The following DMD variants were observed in gnomAD, a reference collection of about 807,000 sequenced individuals.
The protein encoded by DMD is dystrophin.
In DMD, 63 loss-of-function variants were observed where a neutral mutation model predicts 330.1. The observed-to-expected ratio is 0.19, with a 90% CI of 0.16 to 0.24. The LOEUF (loss-of-function observed/expected upper bound fraction) is 0.24, where lower values mean the gene tolerates loss of function less well. Among genes scored for constraint, DMD ranks in the 10% least tolerant of loss-of-function variants. The pLI, the probability that DMD is intolerant of heterozygous loss-of-function variation, is 1.00. For synonymous variants in DMD, 1,223 were observed against 959.8 expected (o/e 1.27, Z -5.07); for missense variants, 3,344 against 2,684.1 (o/e 1.25, Z -5.43).
rs142087164 is a variant in DMD, at chrX:32,969,027, C to CAAAAAAAAAAAAAAA, written c.93+51097_93+51111dup. On this transcript the variant is annotated intron_variant, in intron 2 of 78. Transcript: ENST00000357033. ...TGGGAGACAGAATGAGATTCTGTCTCAAAAAAAAAAAAAAAAAAAAAAAAA... is the reference window on the plus strand; with the variant it reads ...TGGGAGACAGAATGAGATTCTGTCTCAAAAAAAAAAAAAAAAAAAAAAAAAAAAAAAAAAAAAAAA... 3.5e-4 allele frequency among the ~76,000 whole-genome samples: 7 copies of CAAAAAAAAAAAAAAA among 19,815 alleles called. 1 individual carries two copies. Among genetic ancestry groups the CAAAAAAAAAAAAAAA allele is most frequent in the Non-Finnish European group, 5.6e-4 (6 of 10,770 alleles). 17.2% of individuals were successfully genotyped at this position (19,815 alleles called of 115,157 possible).
At position 31,640,307 on chromosome X, in the gene DMD, T is replaced by C. The variant is rs761450224; in HGVS notation, c.8028-12445A>G. Among the ~76,000 whole-genome samples the C allele has an allele frequency of 2.7e-5, 3 of 112,622 alleles. No homozygotes were observed. The Admixed American group carries it at 2.8e-4, about 11-fold the overall frequency. The stretch of plus-strand genomic sequence containing the variant: ...AATACGTTTACATTTACAATTTTGC[T>C]GTGGCAAAAAGGCAACAAACACGCT... On this transcript the variant is annotated intron_variant, in intron 54 of 78. Coordinates refer to ENST00000357033, the MANE Select transcript of DMD (RefSeq NM_004006.3).
chrX:31,998,914 A>T (rs1201518436), intron 44 of DMD, among the ~76,000 whole-genome samples: 1 of 111,889 alleles, frequency 8.9e-6, no homozygotes, highest in Non-Finnish European at 1.9e-5. Flanking sequence ...CAGAAGATAA[A>T]CATAAGGTCA....
intron 64 of DMD, among the ~76,000 whole-genome samples, chrX:31,215,055 C>G (rs1285561574): frequency 1.0e-5 from 1 of 100,048 alleles, no homozygotes; most frequent in Non-Finnish European, 2.0e-5. Context: ...CATTCTCCTG[C>G]CTCAGACTCC....
rs147167649 is a variant in DMD at position 32,631,739 on chromosome X, C to T, written c.1331+12393G>A. Among the ~76,000 whole-genome samples, 449 of 111,073 alleles carry T rather than the reference C, an allele frequency of 4.0e-3. 1 individual carries two copies. The highest frequency in any genetic ancestry group is 9.3e-3 in the Middle Eastern group (2 of 216). On this transcript the variant is annotated intron_variant, in intron 11 of 78. Coordinates refer to ENST00000357033, the MANE Select transcript of DMD (RefSeq NM_004006.3). ...CCAACTGGATCTGACAAGAATTCAC[C>T]CACTATCATGAAAACAGCACTAAGA...
chrX:31,686,358 G>C (rs748136233), intron 52 of DMD, among the ~76,000 whole-genome samples: 1 of 111,838 alleles, frequency 8.9e-6, no homozygotes, highest in South Asian at 3.7e-4. Flanking sequence ...TTCTTCTTAA[G>C]TAACCACTAT....
At chrX:31,362,289 AT>A (rs1569532660) in intron 60 of DMD, among the ~76,000 whole-genome samples, 5 of 112,113 alleles carry the variant, frequency 4.5e-5, no homozygotes, top group Non-Finnish European at 9.4e-5. Context: ...AATGCTCCAA[AT>A]TTTGAAACTT....
chrX:33,179,200 A>C (rs2049832105), intron 1 of DMD, among the ~76,000 whole-genome samples: 1 of 111,818 alleles, frequency 8.9e-6, no homozygotes, highest in Non-Finnish European at 1.9e-5. Flanking sequence ...GATGACAAAC[A>C]TGTACTTTCA....
In DMD at chrX:31,478,187, T is replaced by G. The variant is rs745428533; in HGVS notation, c.8856A>C (p.Gln2952His). The G allele has an allele frequency of 8.3e-7, 1 of 1,211,076 alleles. No individual in the cohort carries two copies. Among genetic ancestry groups the G allele is most frequent in the Non-Finnish European group, 1.1e-6 (1 of 895,184 alleles). Residue 2952 changes from glutamine to histidine, a missense_variant, in exon 59 of 79, where the codon CAA (glutamine) becomes CAC (histidine). Transcript: ENST00000357033. ...GCCAGGATCCCTTGATCACCTCAGC[T>G]TGGCGCAGCTTGAGGTCCAGCTCAT... ...ATDELDLKLR[Q>H]AEVIKGSWQP...
At chrX:31,639,674 T>C (rs2079615350) in intron 54 of DMD, among the ~76,000 whole-genome samples, 1 of 111,908 alleles carries the variant, frequency 8.9e-6, no homozygotes, top group Admixed American at 9.5e-5. Context: ...TGTTCCAGTG[T>C]GATCCTGCCT....
intron 44 of DMD, among the ~76,000 whole-genome samples, chrX:32,149,501 G>A (rs2096794531): frequency 9.0e-6 from 1 of 111,632 alleles, no homozygotes. Flanking sequence ...GAGGTCAATA[G>A]AATTTCAGGT....
chrX:32,645,386 T>G (rs1230712921), intron 9 of DMD, among the ~76,000 whole-genome samples: 1 of 112,177 alleles, frequency 8.9e-6, no homozygotes, highest in Non-Finnish European at 1.9e-5. Flanking sequence ...GTATTAAAGC[T>G]CTTCTAGATT....
At chrX:31,130,829 C>T (rs192681022) in intron 77 of DMD, among the ~76,000 whole-genome samples, 2 of 111,825 alleles carry the variant, frequency 1.8e-5, no homozygotes, top group East Asian at 5.6e-4. Context: ...CAAGGGGCAA[C>T]AGAAAAGTTG....
intron 1 of DMD, among the ~76,000 whole-genome samples, chrX:33,330,889 A>T (rs973534905): frequency 9.0e-6 from 1 of 111,196 alleles, no homozygotes; most frequent in African/African-American, 3.3e-5. Context: ...CACACTAGGA[A>T]CTCCGGAAAC....
At chrX:32,462,104 T>A (rs1047093344) in intron 25 of DMD, among the ~76,000 whole-genome samples, 3 of 111,387 alleles carry the variant, frequency 2.7e-5, no homozygotes, top group African/African-American at 9.8e-5. Context: ...TCCAAAAAGG[T>A]ACAGTAGTTC....
At chrX:32,617,508 A>G (rs1213131726) in intron 11 of DMD, among the ~76,000 whole-genome samples, 4 of 111,587 alleles carry the variant, frequency 3.6e-5, no homozygotes, top group African/African-American at 1.3e-4. Flanking sequence ...GTAAGAATCT[A>G]CATGCAGAAG....
At chrX:32,807,122 T>TTAAAAAAA (rs1345640031) in intron 7 of DMD, among the ~76,000 whole-genome samples, 10 of 20,741 alleles carry the variant, frequency 4.8e-4, no homozygotes, top group African/African-American at 2.2e-3. Context: ...CGGAAACATT[T>TTAAAAAAA]AAAAAAAAAA....
chrX:31,641,337 TA>T (rs2079731076), intron 54 of DMD, among the ~76,000 whole-genome samples: 1 of 99,546 alleles, frequency 1.0e-5, no homozygotes, highest in Non-Finnish European at 2.0e-5. Flanking sequence ...CTGTCTCTAC[TA>T]AAAATACAAA....
intron 1 of DMD, among the ~76,000 whole-genome samples, chrX:33,030,614 A>G (rs1289560373): frequency 3.6e-5 from 4 of 111,692 alleles, no homozygotes; most frequent in Non-Finnish European, 1.9e-5. Context: ...AGTAATAACC[A>G]TAGACTAATT....
chrX:33,135,881 A>G (rs1053438667), intron 1 of DMD, among the ~76,000 whole-genome samples: 33 of 112,796 alleles, frequency 2.9e-4, no homozygotes, highest in African/African-American at 1.0e-3. Flanking sequence ...ATTAGCTATC[A>G]TTATATAGTT....
Sources: gnomAD v4.1 joint callset for allele counts (sites outside exome capture counted in the v4.1 genomes callset) on GRCh38, gnomAD v4.1.1 for gene constraint, MANE v1.5 for transcripts, NCBI Gene and HGNC (gene_info 2026-07-23, HGNC 2026-07-21) for gene names.